The following CLGN variants were observed in gnomAD, a reference collection of about 807,000 sequenced individuals.
CLGN encodes testis tissue sperm-binding protein Li 79P.
A neutral mutation model predicts 79.1 loss-of-function variants in CLGN; 62 were observed. The ratio of observed to expected loss-of-function variants is 0.78; its 90% CI spans 0.64 to 0.97. The LOEUF (loss-of-function observed/expected upper bound fraction) is 0.97, where lower values mean the gene tolerates loss of function less well. Among genes scored for constraint, CLGN ranks in the 50% least tolerant of loss-of-function variants. The pLI is 0.00. For synonymous variants in CLGN, 225 were observed against 224.7 expected (o/e 1.00, Z -0.01); for missense variants, 647 against 715.5 (o/e 0.90, Z 1.09).
At chr4:140,418,843 C>T (rs1355631525) in intron 1 of CLGN, among the ~76,000 whole-genome samples, 1 of 151,984 alleles carries the variant, frequency 6.6e-6, no homozygotes, top group Non-Finnish European at 1.5e-5. Context: ...CCCAGCCATC[C>T]CATTACTGGG....
chr4:140,390,076 A>C (rs1467837946), intron 14 of CLGN, among the ~76,000 whole-genome samples: 2 of 151,374 alleles, frequency 1.3e-5, no homozygotes, highest in African/African-American at 4.9e-5. Flanking sequence ...TTCCATAATA[A>C]CTTACAAAAA....
At chr4:140,425,776 G>A (rs1729556424) in intron 1 of CLGN, among the ~76,000 whole-genome samples, 1 of 151,424 alleles carries the variant, frequency 6.6e-6, no homozygotes, top group Non-Finnish European at 1.5e-5. Flanking sequence ...TTATAGGCGC[G>A]CGCCACTATG....
intron 1 of CLGN, among the ~76,000 whole-genome samples, chr4:140,426,177 C>A (rs1264993187): frequency 6.6e-6 from 1 of 152,176 alleles, no homozygotes; most frequent in Non-Finnish European, 1.5e-5. Context: ...CACCAAGTTT[C>A]TAGTTTTATT....
chr4:140,409,930 G>A (rs752215198), intron 3 of CLGN, 35 bp from the exon 4 acceptor site: 3 of 1,436,430 alleles, frequency 2.1e-6, no homozygotes, highest in Non-Finnish European at 2.9e-6. Context: ...ATATGTCATT[G>A]ACAATAAAAG....
intron 5 of CLGN, among the ~76,000 whole-genome samples, chr4:140,405,280 G>C (rs1324059586): frequency 6.8e-6 from 1 of 146,748 alleles, no homozygotes; most frequent in Non-Finnish European, 1.5e-5. Context: ...CGCCTCCCGG[G>C]TTCACGCCAT....
Position 140,393,864 on chromosome 4 carries a change from C to T in CLGN, c.1327G>A (p.Gly443Ser), listed in dbSNP as rs200529128. The T allele has an allele frequency of 1.2e-5, 20 of 1,613,572 alleles. No individual in the cohort carries two copies. Among genetic ancestry groups the T allele is most frequent in the Non-Finnish European group, 1.7e-5 (20 of 1,179,764 alleles). The stretch of plus-strand genomic sequence containing the variant: ...GCTATCATTATTTTCCATCTCCAAC[C>T]ATCTGCAGCCCAGTGATCTGCTACT... Reference protein sequence around the residue: ...KEVADHWAADGWRWKIMIANA... With the variant: ...KEVADHWAADSWRWKIMIANA... The change falls in exon 11 of 15, where the codon GGT becomes AGT. Residue 443 changes from glycine (G) to serine (S), a missense_variant. Transcript: ENST00000325617.
At chr4:140,419,931 T>C (rs1212407137) in intron 1 of CLGN, among the ~76,000 whole-genome samples, 1 of 152,164 alleles carries the variant, frequency 6.6e-6, no homozygotes, top group African/African-American at 2.4e-5. Flanking sequence ...CTCTAAAAGC[T>C]TCATTGTTCT....
At chr4:140,425,817 C>T (rs1729557108) in intron 1 of CLGN, among the ~76,000 whole-genome samples, 2 of 151,680 alleles carry the variant, frequency 1.3e-5, no homozygotes, top group South Asian at 4.2e-4. Flanking sequence ...TTAGTAGAGA[C>T]GGGGTTTCAC....
chr4:140,401,934 A>G (rs754154105), intron 6 of CLGN, 51 bp downstream of exon 6: 2 of 1,002,102 alleles, frequency 2.0e-6, no homozygotes, highest in Non-Finnish European at 3.0e-6. Context: ...TTGTTCCTTA[A>G]AAATACTTAT....
intron 8 of CLGN, among the ~76,000 whole-genome samples, chr4:140,398,118 T>A (rs2126618240): frequency 6.6e-6 from 1 of 152,320 alleles, no homozygotes; most frequent in East Asian, 1.9e-4. Context: ...AATGTCATCT[T>A]GAGTTTCTGA....
chr4:140,405,683 C>T (rs1049437667), intron 5 of CLGN, among the ~76,000 whole-genome samples: 3 of 152,118 alleles, frequency 2.0e-5, no homozygotes, highest in African/African-American at 7.2e-5. Context: ...AGCCCACATA[C>T]AACTCCTTGA....
At chr4:140,419,528 T>G (rs920212047) in intron 1 of CLGN, among the ~76,000 whole-genome samples, 3 of 152,060 alleles carry the variant, frequency 2.0e-5, no homozygotes, top group Non-Finnish European at 4.4e-5. Context: ...CCAAAATACA[T>G]TTATATATAA....
intron 2 of CLGN, 114 bp from the exon 3 acceptor site, chr4:140,410,740 G>A (rs2126628001): frequency 1.5e-6 from 1 of 647,994 alleles, no homozygotes; most frequent in Non-Finnish European, 2.7e-6. Context: ...ATACAGATAT[G>A]AGGTGACAAA....
chr4:140,395,988 A>T lies in CLGN; in HGVS notation c.999-19T>A, dbSNP rs765460758. The T allele has an allele frequency of 6.3e-7, 1 of 1,599,456 alleles. No individual in the cohort carries two copies. The stretch of plus-strand genomic sequence containing the variant: ...TTCATTCCTTAGGATATTAAAACAA[A>T]GCAAATACAGTAACCTCAAGTCTCA... On this transcript the variant is annotated intron_variant, in intron 9 of 14. Transcript: ENST00000325617.
intron 13 of CLGN, among the ~76,000 whole-genome samples, chr4:140,391,226 C>A (rs1728765575): frequency 6.6e-6 from 1 of 151,712 alleles, no homozygotes; most frequent in Non-Finnish European, 1.5e-5. Context: ...CCTACCCTAC[C>A]AAGAATGGGC....
chr4:140,389,328 G>C, intron 14 of CLGN, 24 bp from the exon 15 acceptor site: 1 of 1,563,200 alleles, frequency 6.4e-7, no homozygotes, highest in Non-Finnish European at 8.8e-7. Flanking sequence ...TTATGAAAAG[G>C]TTTCTTTTAG....
intron 7 of CLGN, among the ~76,000 whole-genome samples, chr4:140,400,075 T>C (rs1728969617): frequency 6.6e-6 from 1 of 152,212 alleles, no homozygotes; most frequent in Non-Finnish European, 1.5e-5. Flanking sequence ...CAACATTCTA[T>C]CTGTACTTCA....
rs1177445345 is a variant in CLGN at position 140,406,078 on chromosome 4, A to G, written c.283T>C (p.Trp95Arg). ...TTTTCTTTCAACTCTTCAATTTCCCATCTTCCTAAAAAATAAAGCAAAGCA... is the reference window on the plus strand; with the variant it reads ...TTTTCTTTCAACTCTTCAATTTCCCGTCTTCCTAAAAAATAAAGCAAAGCA... ...DEEISIYDGR[W>R]EIEELKENQV... The change falls in exon 5 of 15, where the codon TGG becomes CGG. Residue 95 changes from tryptophan to arginine, a missense_variant. Trp to Arg is a moderately radical substitution (Grantham distance 101, BLOSUM62 -3). Coordinates refer to ENST00000325617, the MANE Select transcript of CLGN (RefSeq NM_004362.3). 1.2e-6 allele frequency: 2 copies of G among 1,610,958 alleles called. No individual in the cohort carries two copies. The highest frequency in any genetic ancestry group is 1.7e-6 in the Non-Finnish European group (2 of 1,179,084).
chr4:140,393,754 G>T, intron 11 of CLGN, 72 bp downstream of exon 11: 1 of 1,329,900 alleles, frequency 7.5e-7, no homozygotes, highest in Non-Finnish European at 1.1e-6. Flanking sequence ...AGAGCCATCT[G>T]AATAACCTAC....
Sources: gnomAD v4.1 joint callset for allele counts (sites outside exome capture counted in the v4.1 genomes callset) on GRCh38, gnomAD v4.1.1 for gene constraint, MANE v1.5 for transcripts, NCBI Gene and HGNC (gene_info 2026-07-23, HGNC 2026-07-21) for gene names.